MYLK: variants seen among roughly 807,000 people sequenced by gnomAD.
MYLK encodes myosin light chain kinase, smooth muscle.
Under a neutral mutation model 203.4 loss-of-function variants are expected in MYLK, and 106 were observed. The observed-to-expected ratio is 0.52, with a 90% CI of 0.45 to 0.61. The LOEUF (loss-of-function observed/expected upper bound fraction) is 0.61, where lower values mean the gene tolerates loss of function less well. Among genes scored for constraint, MYLK ranks in the 20% least tolerant of loss-of-function variants. The pLI is 0.00. For synonymous variants in MYLK, 867 were observed against 959.5 expected (o/e 0.90, Z 1.78); for missense variants, 2,072 against 2,442.3 (o/e 0.85, Z 3.20).
At position 123,774,404 on chromosome 3, in the gene MYLK, G is replaced by A. The variant is rs115630692; in HGVS notation, c.165+19273C>T. Among the ~76,000 whole-genome samples, 934 of 152,162 alleles carry A rather than the reference G, an allele frequency of 6.1e-3. 2 individuals are homozygous for A. Among genetic ancestry groups the A allele is most frequent in the Non-Finnish European group, 0.01 (714 of 68,006 alleles). ...GACGGGGTTGGGCGTTCATTCTCGG[G>A]AAGTACAGGCTACATTATGCAAATC... On this transcript the variant is annotated intron_variant, in intron 4 of 33. Coordinates refer to ENST00000360304, the MANE Select transcript of MYLK (RefSeq NM_053025.4).
At chr3:123,862,252 C>CCTGTAGTTCAT (rs2031992059) in intron 2 of MYLK, among the ~76,000 whole-genome samples, 1 of 152,200 alleles carries the variant, frequency 6.6e-6, no homozygotes, top group Admixed American at 6.5e-5. Context: ...ATCCTGTGTC[C>CCTGTAGTTCAT]CTGTAGTTCA....
intron 20 of MYLK, among the ~76,000 whole-genome samples, chr3:123,673,433 A>G (rs1056810081): frequency 3.3e-5 from 5 of 151,910 alleles, no homozygotes; most frequent in African/African-American, 4.8e-5. Context: ...TTCTAACATC[A>G]GCCCCTCCCC....
At chr3:123,651,303 C>T (rs2059204649) in intron 24 of MYLK, among the ~76,000 whole-genome samples, 1 of 152,030 alleles carries the variant, frequency 6.6e-6, no homozygotes, top group Admixed American at 6.5e-5. Context: ...ATGAGAAGTA[C>T]CACTAGAATA....
chr3:123,637,952 G>T lies in MYLK; in HGVS notation c.4961+119C>A, dbSNP rs573560865. On this transcript the variant is annotated intron_variant, in intron 29 of 33. Coordinates refer to ENST00000360304, the MANE Select transcript of MYLK (RefSeq NM_053025.4). ...GAGCCTGCCACCCTCCTGACTCTGG[G>T]GGGGGCTCCCCATCATGACAATGGC... 3,084 of 1,478,892 alleles carry T rather than the reference G, an allele frequency of 2.1e-3. 5 individuals are homozygous for T. The highest frequency in any genetic ancestry group is 2.6e-3 in the Non-Finnish European group (2,794 of 1,076,626). 91.6% of individuals were successfully genotyped at this position (1,478,892 alleles called of 1,614,324 possible). A position where few individuals can be genotyped will look rare whatever the true frequency, so the allele number is the denominator to read the frequency against.
chr3:123,858,211 T>C lies in MYLK; in HGVS notation c.-127+18348A>G, dbSNP rs139601494. 2.8e-3 allele frequency among the ~76,000 whole-genome samples: 434 copies of C among 152,312 alleles called. 5 individuals are homozygous for C. Among genetic ancestry groups the C allele is most frequent in the African/African-American group, 9.7e-3 (403 of 41,558 alleles). ...GTCCTTGGACCTGAAGATGGTTTCA[T>C]AGACAGAAAAATGTGGAGTGCAGCT... On this transcript the variant is annotated intron_variant, in intron 2 of 33. Transcript: ENST00000360304.
intron 2 of MYLK, among the ~76,000 whole-genome samples, chr3:123,862,523 G>A (rs1426997770): frequency 6.6e-6 from 1 of 152,076 alleles, no homozygotes; most frequent in African/African-American, 2.4e-5. Context: ...CCTGAAGCCA[G>A]GTCTGTCTAA....
At chr3:123,633,767 G>T (rs777786231) in intron 29 of MYLK, among the ~76,000 whole-genome samples, 1 of 152,206 alleles carries the variant, frequency 6.6e-6, no homozygotes, top group Non-Finnish European at 1.5e-5. Flanking sequence ...AAGCCTGTTT[G>T]GCTGTGGGGG....
rs1383537801 is a variant in MYLK at position 123,682,022 on chromosome 3, G to A, written c.3652+202C>T. 4.6e-6 allele frequency: 3 copies of A among 646,452 alleles called. No individual in the cohort carries two copies. The East Asian group carries it at 8.5e-5, about 18-fold the overall frequency. 40.0% of individuals were successfully genotyped at this position (646,452 alleles called of 1,614,324 possible). On this transcript the variant is annotated intron_variant, in intron 20 of 33. Coordinates refer to ENST00000360304, the MANE Select transcript of MYLK (RefSeq NM_053025.4). ...CCAGGCTGGAGACAGGCTGGAGAGA[G>A]CACTGGGATGGGGTGAGAAAAGGCC...
chr3:123,744,442 A>G (rs1476934006), intron 5 of MYLK, among the ~76,000 whole-genome samples: 1 of 152,234 alleles, frequency 6.6e-6, no homozygotes, highest in Non-Finnish European at 1.5e-5. Flanking sequence ...AAAAAGATGT[A>G]TTATATAAAA....
intron 24 of MYLK, among the ~76,000 whole-genome samples, chr3:123,650,513 ATGC>A (rs2059175249): frequency 6.6e-6 from 1 of 152,136 alleles, no homozygotes; most frequent in African/African-American, 2.4e-5. Flanking sequence ...AGTTCTTAAA[ATGC>A]TGCTGACAAA....
chr3:123,687,409 AG>A (rs1328381567), intron 19 of MYLK, among the ~76,000 whole-genome samples: 1 of 152,158 alleles, frequency 6.6e-6, no homozygotes, highest in African/African-American at 2.4e-5. Context: ...TCTGCTAGTT[AG>A]GGTGACCTTG....
At chr3:123,796,901 C>A (rs1409790201) in intron 3 of MYLK, among the ~76,000 whole-genome samples, 5 of 152,108 alleles carry the variant, frequency 3.3e-5, no homozygotes, top group Non-Finnish European at 4.4e-5. Context: ...TCCCAATAAT[C>A]CTACATTTAG....
intron 2 of MYLK, among the ~76,000 whole-genome samples, chr3:123,868,603 G>A (rs1172868540): frequency 2.0e-5 from 3 of 152,150 alleles, no homozygotes; most frequent in Non-Finnish European, 4.4e-5. Context: ...AGTAGCAAGT[G>A]AGCACTAATT....
chr3:123,666,134 G>A (rs779445035), intron 22 of MYLK, 85 bp downstream of exon 22: 89 of 1,604,804 alleles, frequency 5.5e-5, no homozygotes, highest in Non-Finnish European at 7.1e-5. Context: ...GCCATCTCCA[G>A]CACGGCATTT....
Position 123,734,213 on chromosome 3 carries a change from C to T in MYLK, c.783G>A (p.Val261=). The change falls in exon 10 of 34, where the codon GTG becomes GTA. Residue 261 remains valine (V), a synonymous_variant. Coordinates refer to ENST00000360304, the MANE Select transcript of MYLK (RefSeq NM_053025.4). ...CTGAATTGGTGGCTTTTGTTTCTCT[C>T]ACAAATGACCTGTGTGGTGGTGAGG... The part of the protein sequence containing the change: ...QGLDSANRSF[V]RETKATNSDV... 1 of 1,213,584 alleles carries T rather than the reference C, an allele frequency of 8.2e-7. No homozygotes were observed. The allele number at this position is 1,213,584 out of a possible 1,614,324, so 75.2% of individuals were successfully genotyped here.
intron 4 of MYLK, among the ~76,000 whole-genome samples, chr3:123,759,483 T>C (rs2063467256): frequency 6.6e-6 from 1 of 152,206 alleles, no homozygotes; most frequent in East Asian, 1.9e-4. Flanking sequence ...ATTAATGCTG[T>C]GGTTTGACGT....
rs998998748 is a variant in MYLK at position 123,884,311 on chromosome 3, G to C, written c.-291C>G. On this transcript the variant is annotated 5_prime_UTR_variant, in exon 1 of 34. Transcript: ENST00000360304. ...CGAGCTCGCTCAGCGCCCTGCTGCC[G>C]ACCGGGCGGCGCGGGGAGCCCGCGA... The C allele has an allele frequency of 4.6e-4, 68 of 147,110 alleles. No individual in the cohort carries two copies. Among genetic ancestry groups the C allele is most frequent in the African/African-American group, 1.6e-3 (64 of 40,826 alleles). The allele number at this position is 147,110 out of a possible 1,614,324, so 9.1% of individuals were successfully genotyped here. A position where few individuals can be genotyped will look rare whatever the true frequency, so the allele number is the denominator to read the frequency against.
At chr3:123,709,604 A>G in intron 14 of MYLK, 152 bp downstream of exon 14, 5 of 965,260 alleles carry the variant, frequency 5.2e-6, no homozygotes, top group Non-Finnish European at 8.2e-6. Context: ...AAAAGAGAGG[A>G]CAAGAGTCTC....
intron 16 of MYLK, 130 bp downstream of exon 16, chr3:123,707,624 G>A (rs538655297): frequency 2.6e-5 from 37 of 1,396,606 alleles, no homozygotes; most frequent in African/African-American, 1.1e-4. Context: ...CACTGAGCCC[G>A]CACTTGCTTT....
Sources: allele counts gnomAD v4.1 joint callset (sites outside exome capture counted in the v4.1 genomes callset), GRCh38; gene constraint gnomAD v4.1.1; transcripts MANE v1.5; gene names NCBI Gene and HGNC (gene_info 2026-07-23, HGNC 2026-07-21).